Variants in PCDH15 observed in about 807,000 individuals in gnomAD.
PCDH15 encodes the protein protocadherin-15.
PCDH15 carries 129 observed loss-of-function variants against 178.5 expected under a neutral mutation model. The ratio of observed to expected loss-of-function variants is 0.72; its 90% CI spans 0.63 to 0.84. The LOEUF (loss-of-function observed/expected upper bound fraction) is 0.84, where lower values mean the gene tolerates loss of function less well. Among genes scored for constraint, PCDH15 ranks in the 40% least tolerant of loss-of-function variants. PCDH15 has a pLI of 0.00. For missense variants in PCDH15, 2,230 were observed against 2,099.9 expected (o/e 1.06, Z -1.21); for synonymous variants, 800 against 732.0 (o/e 1.09, Z -1.50).
chr10:55,381,366 A>G (rs1349736097), intron 2 of PCDH15, among the ~76,000 whole-genome samples: 2 of 152,188 alleles, frequency 1.3e-5, no homozygotes, highest in African/African-American at 4.8e-5. Context: ...ATGCTGATCT[A>G]GAGCCACTCT....
intron 2 of PCDH15, among the ~76,000 whole-genome samples, chr10:54,577,852 GAATAAATAAATAAATA>G (rs1228767675): frequency 7.0e-4 from 8 of 11,504 alleles, no homozygotes; most frequent in Admixed American, 1.9e-3. Flanking sequence ...CTAAATAAAT[GAATAAATAAATAAATA>G]AATAAATAAA....
Position 54,421,265 on chromosome 10 carries a change from T to C in PCDH15, c.158-42323A>G, listed in dbSNP as rs569784953. 6.6e-5 allele frequency among the ~76,000 whole-genome samples: 10 copies of C among 151,974 alleles called. No individual in the cohort carries two copies. In the South Asian group the frequency reaches 2.1e-3, roughly 32 times the overall value. On this transcript the variant is annotated intron_variant, in intron 3 of 37. Coordinates refer to ENST00000644397, the MANE Select transcript of PCDH15 (RefSeq NM_001384140.1). Reference sequence around the variant, plus strand: ...TAAAATGTCATGAAATGACTTAAATTGGATGAGAGTATATGAAATACATTA... The same window carrying C: ...TAAAATGTCATGAAATGACTTAAATCGGATGAGAGTATATGAAATACATTA...
intron 19 of PCDH15, among the ~76,000 whole-genome samples, chr10:54,022,480 T>G (rs2092954586): frequency 6.6e-6 from 1 of 151,464 alleles, no homozygotes; most frequent in Non-Finnish European, 1.5e-5. Context: ...ATATATGTAT[T>G]TTTTGACATT....
At chr10:53,966,773 T>C (rs924782953) in intron 21 of PCDH15, among the ~76,000 whole-genome samples, 3 of 151,888 alleles carry the variant, frequency 2.0e-5, no homozygotes, top group African/African-American at 7.2e-5. Context: ...ATCGAAGTAT[T>C]CTAATGTATA....
intron 2 of PCDH15, among the ~76,000 whole-genome samples, chr10:55,442,455 TTATATATATATATATTATATATATATTA>T (rs1207126440): frequency 4.1e-5 from 5 of 121,148 alleles, no homozygotes; most frequent in Non-Finnish European, 3.3e-5. Context: ...CTTAATTTGA[TTATATATATATATATTATATATATATTA>T]TATATATATA....
chr10:54,937,232 T>C (rs1013346071), intron 2 of PCDH15, among the ~76,000 whole-genome samples: 7 of 152,060 alleles, frequency 4.6e-5, no homozygotes, highest in African/African-American at 1.2e-4. Context: ...AGTTATACAA[T>C]TGGAAAATGT....
chr10:55,305,991 A>G (rs1004961669), intron 1 of PCDH15, among the ~76,000 whole-genome samples: 1 of 152,238 alleles, frequency 6.6e-6, no homozygotes, highest in African/African-American at 2.4e-5. Flanking sequence ...TATTTTTTAC[A>G]TTTAAAAACA....
At chr10:54,603,720 T>C (rs889915180) in intron 2 of PCDH15, among the ~76,000 whole-genome samples, 6 of 151,918 alleles carry the variant, frequency 3.9e-5, no homozygotes, top group African/African-American at 7.2e-5. Context: ...GAACCGAGGT[T>C]AATGAAAAGC....
At chr10:54,489,730 C>G (rs1262226061) in intron 3 of PCDH15, among the ~76,000 whole-genome samples, 1 of 152,014 alleles carries the variant, frequency 6.6e-6, no homozygotes, top group Non-Finnish European at 1.5e-5. Flanking sequence ...TACTAAATAC[C>G]CTTATGACTA....
intron 5 of PCDH15, among the ~76,000 whole-genome samples, chr10:54,357,563 A>G (rs1467127812): frequency 2.6e-5 from 4 of 152,156 alleles, no homozygotes; most frequent in African/African-American, 9.7e-5. Context: ...AGGAAGAATC[A>G]ATATCGTGAA....
rs1392832185 is a variant in PCDH15, at chr10:55,616,898, T to C, written c.-156+10727A>G. 3.3e-5 allele frequency among the ~76,000 whole-genome samples: 5 copies of C among 152,230 alleles called. No homozygotes were observed. The East Asian group carries it at 9.6e-4, about 29-fold the overall frequency. On this transcript the variant is annotated intron_variant, in intron 2 of 5. Transcript: ENST00000613346. Reference sequence around the variant, plus strand: ...TATTAAAGTGTTATTTAATATAGTATTGTAGAATATACATTAAGTACATTA... The same window carrying C: ...TATTAAAGTGTTATTTAATATAGTACTGTAGAATATACATTAAGTACATTA...
chr10:54,419,874 A>G (rs1008792351), intron 3 of PCDH15, among the ~76,000 whole-genome samples: 9 of 152,122 alleles, frequency 5.9e-5, no homozygotes. Context: ...AGGAACCTGA[A>G]TAGAGAAAAT....
intron 2 of PCDH15, among the ~76,000 whole-genome samples, chr10:55,121,537 T>C (rs1008307640): frequency 1.3e-5 from 2 of 152,136 alleles, no homozygotes; most frequent in African/African-American, 2.4e-5. Flanking sequence ...TGAGGGCCCA[T>C]GGGAAGACCA....
intron 2 of PCDH15, among the ~76,000 whole-genome samples, chr10:55,446,331 C>A: frequency 6.9e-6 from 1 of 143,888 alleles, no homozygotes. Flanking sequence ...ATATATAAAA[C>A]ATTCTCAGAG....
At chr10:54,695,844 C>A (rs1199071416) in intron 1 of PCDH15, among the ~76,000 whole-genome samples, 1 of 151,242 alleles carries the variant, frequency 6.6e-6, no homozygotes, top group African/African-American at 2.4e-5. Flanking sequence ...TCCATTGGGG[C>A]TTCAAATGAA....
At chr10:55,061,262 C>T (rs1023042687) in intron 2 of PCDH15, among the ~76,000 whole-genome samples, 1 of 152,140 alleles carries the variant, frequency 6.6e-6, no homozygotes, top group Non-Finnish European at 1.5e-5. Context: ...AACCTTAACA[C>T]TTCACCAAGG....
intron 25 of PCDH15, among the ~76,000 whole-genome samples, chr10:53,932,201 T>C (rs575328430): frequency 5.3e-5 from 8 of 152,230 alleles, no homozygotes; most frequent in Non-Finnish European, 7.4e-5. Flanking sequence ...CTGCGGTCTA[T>C]GTCCAGTTTT....
intron 2 of PCDH15, among the ~76,000 whole-genome samples, chr10:55,583,757 G>T (rs1463694371): frequency 6.6e-6 from 1 of 151,970 alleles, no homozygotes; most frequent in Non-Finnish European, 1.5e-5. Flanking sequence ...TTGACACAGA[G>T]AATTCCACAA....
chr10:54,390,294 T>C (rs1950395903), intron 3 of PCDH15, among the ~76,000 whole-genome samples: 1 of 151,822 alleles, frequency 6.6e-6, no homozygotes. Context: ...TTTTGTTTTG[T>C]TTTGTTTTGT....
Sources: gnomAD v4.1 joint callset for allele counts (sites outside exome capture counted in the v4.1 genomes callset) on GRCh38, gnomAD v4.1.1 for gene constraint, MANE v1.5 for transcripts, NCBI Gene and HGNC (gene_info 2026-07-23, HGNC 2026-07-21) for gene names.